Variants in ARL13B observed in about 807,000 individuals in gnomAD.
The protein encoded by ARL13B is ADP-ribosylation factor-like protein 13B.
ARL13B carries 36 observed loss-of-function variants against 56.1 expected under a neutral mutation model. That is an observed-to-expected ratio of 0.64 (90% CI 0.49 to 0.85). The LOEUF is 0.85. Ranked by LOEUF, ARL13B falls within the 40% of genes least tolerant of loss-of-function variation. The pLI, the probability that ARL13B is intolerant of heterozygous loss-of-function variation, is 0.00. For synonymous variants in ARL13B, 178 were observed against 171.1 expected (o/e 1.04, Z -0.32); for missense variants, 519 against 507.1 (o/e 1.02, Z -0.23).
intron 2 of ARL13B, among the ~76,000 whole-genome samples, chr3:94,002,736 C>T (rs188548819): frequency 2.0e-5 from 3 of 152,188 alleles, no homozygotes; most frequent in Non-Finnish European, 4.4e-5. Context: ...AGCACTATTT[C>T]AGTCACCTTA....
At chr3:94,035,949 G>A (rs2076760073) in intron 4 of ARL13B, among the ~76,000 whole-genome samples, 1 of 152,042 alleles carries the variant, frequency 6.6e-6, no homozygotes, top group African/African-American at 2.4e-5. Context: ...GTGTGTTCCT[G>A]TAGTCCCAGC....
At chr3:94,020,312 G>A (rs993479104) in intron 3 of ARL13B, among the ~76,000 whole-genome samples, 10 of 152,114 alleles carry the variant, frequency 6.6e-5, no homozygotes, top group Non-Finnish European at 1.5e-4. Context: ...AACAAGTATT[G>A]TCATGATCTC....
chr3:94,049,852 G>C (rs2077042117), intron 8 of ARL13B, among the ~76,000 whole-genome samples: 1 of 151,934 alleles, frequency 6.6e-6, no homozygotes, highest in East Asian at 1.9e-4. Context: ...GCTAACATGA[G>C]TTTTTAAAAC....
rs116715850 is a variant in ARL13B at position 94,037,049 on chromosome 3, A to T, written c.689+295A>T. ...ACCTTAGTGCAGTGGTTCTCAATGCACAGGGTAGTTTTTAACATTTGGCAG... is the reference window on the plus strand; with the variant it reads ...ACCTTAGTGCAGTGGTTCTCAATGCTCAGGGTAGTTTTTAACATTTGGCAG... On this transcript the variant is annotated intron_variant, in intron 5 of 9. Transcript: ENST00000394222. 2.2e-3 allele frequency among the ~76,000 whole-genome samples: 339 copies of T among 152,252 alleles called. 3 individuals are homozygous for T. The highest frequency in any genetic ancestry group is 7.8e-3 in the African/African-American group (324 of 41,526).
intron 3 of ARL13B, chr3:94,015,409 A>G (rs910767433): frequency 1.5e-5 from 9 of 612,572 alleles, no homozygotes; most frequent in African/African-American, 9.4e-5. Flanking sequence ...GAGGTTAAAA[A>G]GTTAGAAAAA....
Position 94,050,842 on chromosome 3 carries a change from A to G in ARL13B, c.1160A>G (p.Lys387Arg). The change falls in exon 9 of 10, where the codon AAA (lysine) becomes AGA (arginine). Residue 387 changes from lysine (K) to arginine (R), a missense_variant. Lys to Arg is a conservative substitution (Grantham distance 26). Transcript: ENST00000394222. ...TCTTTAGTTGGCTGGGGAACCCCTAAAGTCACTAGACTTCCAAAACTTGAG... is the reference window on the plus strand; with the variant it reads ...TCTTTAGTTGGCTGGGGAACCCCTAGAGTCACTAGACTTCCAAAACTTGAG... ...PPPPVGWGTP[K>R]VTRLPKLEPL... is the part of the protein sequence containing the mutation. 1 of 1,612,808 alleles carries G rather than the reference A, an allele frequency of 6.2e-7. No homozygotes were observed. Among genetic ancestry groups the G allele is most frequent in the Non-Finnish European group, 8.5e-7 (1 of 1,179,726 alleles).
intron 3 of ARL13B, among the ~76,000 whole-genome samples, chr3:94,005,107 C>T (rs572886721): frequency 7.5e-4 from 114 of 152,150 alleles, no homozygotes; most frequent in African/African-American, 2.7e-3. Context: ...CAAATATTTA[C>T]GTGAGCATCT....
intron 3 of ARL13B, among the ~76,000 whole-genome samples, chr3:94,032,929 C>T (rs2076702755): frequency 6.6e-6 from 1 of 152,198 alleles, no homozygotes; most frequent in Admixed American, 6.5e-5. Flanking sequence ...TTTATCACAG[C>T]ATTATTCACA....
At chr3:94,021,182 T>TTA (rs373884811) in intron 3 of ARL13B, among the ~76,000 whole-genome samples, 17,840 of 146,338 alleles carry the variant, frequency 0.12, 1,093 homozygotes, top group Middle Eastern at 0.23. Flanking sequence ...TTTAATATTA[T>TTA]TATATATATA....
chr3:94,029,332 A>AT lies in ARL13B; in HGVS notation c.381-5998dup, dbSNP rs1230277806. 6.5e-4 allele frequency among the ~76,000 whole-genome samples: 47 copies of AT among 72,368 alleles called. 3 individuals carry two copies. Among genetic ancestry groups the AT allele is most frequent in the African/African-American group, 9.4e-4 (18 of 19,146 alleles). The allele number at this position is 72,368 out of a possible 152,430, so 47.5% of individuals were successfully genotyped here. ...TATATATATATATATATATATATAT[A>AT]TATTTATTTTTTTTTTATTTTTTTT... On this transcript the variant is annotated intron_variant, in intron 3 of 9. Transcript: ENST00000394222.
chr3:93,982,112 G>A (rs921154008), intron 1 of ARL13B, among the ~76,000 whole-genome samples: 5 of 152,112 alleles, frequency 3.3e-5, no homozygotes, highest in Non-Finnish European at 5.9e-5. Context: ...CGTGTAATTC[G>A]AAGAAGGAGT....
chr3:93,980,938 T>A (rs1192867652), intron 1 of ARL13B, among the ~76,000 whole-genome samples: 1 of 152,190 alleles, frequency 6.6e-6, no homozygotes, highest in Admixed American at 6.5e-5. Context: ...CACTACTTAA[T>A]AATTACATGA....
chr3:94,020,541 G>A (rs1382934870), intron 3 of ARL13B, among the ~76,000 whole-genome samples: 1 of 152,118 alleles, frequency 6.6e-6, no homozygotes, highest in Non-Finnish European at 1.5e-5. Flanking sequence ...TTTAGGGTGA[G>A]TTCTGAAAAG....
intron 3 of ARL13B, among the ~76,000 whole-genome samples, chr3:94,032,209 A>G (rs1410948516): frequency 6.6e-6 from 1 of 152,210 alleles, no homozygotes; most frequent in Non-Finnish European, 1.5e-5. Flanking sequence ...GAAATCAACA[A>G]CAAAAAACAA....
intron 1 of ARL13B, among the ~76,000 whole-genome samples, chr3:93,990,085 A>G (rs1175527281): frequency 1.3e-5 from 2 of 152,032 alleles, no homozygotes; most frequent in African/African-American, 2.4e-5. Context: ...GCTCACGGCA[A>G]CCTCCACCTC....
At chr3:94,022,011 C>T (rs1464576416) in intron 3 of ARL13B, among the ~76,000 whole-genome samples, 1 of 152,140 alleles carries the variant, frequency 6.6e-6, no homozygotes, top group Non-Finnish European at 1.5e-5. Flanking sequence ...TTCTCCATTC[C>T]TTAAAGACAG....
chr3:93,995,658 G>A (rs1261911345), intron 1 of ARL13B, among the ~76,000 whole-genome samples: 3 of 151,914 alleles, frequency 2.0e-5, no homozygotes, highest in African/African-American at 7.3e-5. Context: ...TACTTTATTT[G>A]CTTAGAGAAC....
chr3:94,022,050 A>T (rs2076460437), intron 3 of ARL13B, among the ~76,000 whole-genome samples: 1 of 152,048 alleles, frequency 6.6e-6, no homozygotes, highest in African/African-American at 2.4e-5. Context: ...TCAGCTCCTT[A>T]GCTATATGTT....
chr3:93,987,323 G>A (rs554585456), intron 1 of ARL13B, among the ~76,000 whole-genome samples: 10 of 152,072 alleles, frequency 6.6e-5, no homozygotes, highest in African/African-American at 1.7e-4. Context: ...TTGTATATCC[G>A]TTATATAAAA....
Sources: allele counts gnomAD v4.1 joint callset (sites outside exome capture counted in the v4.1 genomes callset), GRCh38; gene constraint gnomAD v4.1.1; transcripts MANE v1.5; gene names NCBI Gene and HGNC (gene_info 2026-07-23, HGNC 2026-07-21).